The following CAMK1D variants were observed in gnomAD, a reference collection of about 807,000 sequenced individuals.
The protein encoded by CAMK1D is calcium/calmodulin-dependent protein kinase type 1D.
CAMK1D carries 9 observed loss-of-function variants against 47.7 expected under a neutral mutation model. The observed-to-expected ratio is 0.19, with a 90% CI of 0.11 to 0.33. CAMK1D has a LOEUF of 0.33. CAMK1D is among the 10% of genes least tolerant of loss of function. CAMK1D has a pLI of 1.00. For missense variants in CAMK1D, 291 were observed against 488.7 expected (o/e 0.60, Z 3.81); for synonymous variants, 184 against 184.9 (o/e 0.99, Z 0.04).
intron 1 of CAMK1D, among the ~76,000 whole-genome samples, chr10:12,474,435 C>T (rs987526062): frequency 4.6e-5 from 7 of 151,852 alleles, no homozygotes; most frequent in East Asian, 3.9e-4. Context: ...CCTAAGAATC[C>T]GCCTGCCTCG....
chr10:12,458,360 A>T (rs1055571563), intron 1 of CAMK1D, among the ~76,000 whole-genome samples: 6 of 152,154 alleles, frequency 3.9e-5, no homozygotes, highest in African/African-American at 1.2e-4. Flanking sequence ...GCCAGAGGGG[A>T]CGTTCATTGC....
At chr10:12,506,811 C>T (rs1370011729) in intron 1 of CAMK1D, among the ~76,000 whole-genome samples, 3 of 152,238 alleles carry the variant, frequency 2.0e-5, no homozygotes, top group East Asian at 1.9e-4. Context: ...AGCCACCGCG[C>T]CCGGCCTGGG....
chr10:12,657,989 A>C (rs1840166249), intron 2 of CAMK1D, among the ~76,000 whole-genome samples: 1 of 152,150 alleles, frequency 6.6e-6, no homozygotes, highest in Admixed American at 6.5e-5. Flanking sequence ...GTCTCTACTA[A>C]AAATACAAAA....
At chr10:12,478,031 A>G in intron 1 of CAMK1D, among the ~76,000 whole-genome samples, 1 of 144,442 alleles carries the variant, frequency 6.9e-6, no homozygotes. Flanking sequence ...TTGGAGACAG[A>G]GTCTTGCTCT....
At chr10:12,409,539 G>A (rs1053891876) in intron 1 of CAMK1D, among the ~76,000 whole-genome samples, 1 of 152,222 alleles carries the variant, frequency 6.6e-6, no homozygotes, top group African/African-American at 2.4e-5. Flanking sequence ...CCGCCTTGGC[G>A]TCTGGAGTAG....
intron 6 of CAMK1D, among the ~76,000 whole-genome samples, chr10:12,802,293 C>T (rs938730851): frequency 8.5e-5 from 13 of 152,180 alleles, no homozygotes; most frequent in African/African-American, 3.1e-4. Context: ...ACTCTTTTGC[C>T]TTTGTATCTT....
intron 1 of CAMK1D, among the ~76,000 whole-genome samples, chr10:12,448,109 C>T (rs1832974725): frequency 6.6e-6 from 1 of 152,228 alleles, no homozygotes; most frequent in African/African-American, 2.4e-5. Flanking sequence ...CTGCCTTGGC[C>T]TCCCAAAGTG....
In CAMK1D at chr10:12,782,985, T is replaced by TGG. The variant is rs1564557964; in HGVS notation, c.566-8173_566-8172insGG. Among the ~76,000 whole-genome samples, 6 of 134,736 alleles carry TGG rather than the reference T, an allele frequency of 4.5e-5. No individual in the cohort carries two copies. In the East Asian group the frequency reaches 1.1e-3, roughly 24 times the overall value. The allele number at this position is 134,736 out of a possible 152,430, so 88.4% of individuals were successfully genotyped here. A position where few individuals can be genotyped will look rare whatever the true frequency, so the allele number is the denominator to read the frequency against. On this transcript the variant is annotated intron_variant, in intron 5 of 10. Coordinates refer to ENST00000619168, the MANE Select transcript of CAMK1D (RefSeq NM_153498.4). ...AGAGTAAATTCAGTATTTTCAGTTT[T>TGG]TTTTTTTTTTGTTTTTTTTTTTTTT...
At chr10:12,746,727 G>A (rs890252242) in intron 3 of CAMK1D, among the ~76,000 whole-genome samples, 2 of 152,320 alleles carry the variant, frequency 1.3e-5, no homozygotes, top group East Asian at 3.9e-4. Flanking sequence ...ATGAGGCCAT[G>A]CCCTTGTGCC....
rs572764213 is a variant in CAMK1D, at chr10:12,349,657, C to G, written c.-162C>G. Reference sequence around the variant, plus strand: ...ATAAGAGCCAGGGAGGGACCGCGGCCGCGGCGGCGGCGGCGAGAGCGAAAG... The same window carrying G: ...ATAAGAGCCAGGGAGGGACCGCGGCGGCGGCGGCGGCGGCGAGAGCGAAAG... On this transcript the variant is annotated 5_prime_UTR_variant, in exon 1 of 11. Transcript: ENST00000619168. The G allele has an allele frequency of 5.9e-3, 936 of 159,272 alleles. 11 individuals carry two copies. Among genetic ancestry groups the G allele is most frequent in the African/African-American group, 0.021 (863 of 41,196 alleles). The allele number at this position is 159,272 out of a possible 1,614,324, so 9.9% of individuals were successfully genotyped here.
chr10:12,449,717 C>T (rs1833026973), intron 1 of CAMK1D, among the ~76,000 whole-genome samples: 1 of 152,148 alleles, frequency 6.6e-6, no homozygotes, highest in Admixed American at 6.5e-5. Flanking sequence ...AAAAAAGACA[C>T]ATGTTGGCCG....
At chr10:12,493,725 C>T (rs950182813) in intron 1 of CAMK1D, among the ~76,000 whole-genome samples, 3 of 152,112 alleles carry the variant, frequency 2.0e-5, no homozygotes, top group Non-Finnish European at 2.9e-5. Flanking sequence ...AACTCCTGAC[C>T]TCTGGTGATC....
intron 2 of CAMK1D, among the ~76,000 whole-genome samples, chr10:12,650,053 T>C (rs1414779172): frequency 6.6e-6 from 1 of 152,232 alleles, no homozygotes. Flanking sequence ...TATTACTTTT[T>C]AGTTCCTTTA....
At chr10:12,578,342 G>A (rs969937800) in intron 2 of CAMK1D, among the ~76,000 whole-genome samples, 6 of 152,090 alleles carry the variant, frequency 3.9e-5, no homozygotes, top group Admixed American at 6.5e-5. Flanking sequence ...AGGCTTAGGC[G>A]GATGGATCAC....
intron 3 of CAMK1D, among the ~76,000 whole-genome samples, chr10:12,710,054 C>G (rs918125531): frequency 2.0e-5 from 3 of 152,140 alleles, no homozygotes; most frequent in African/African-American, 7.2e-5. Context: ...TCAGTTTCCT[C>G]TAAAATGTGA....
rs543055895 is a variant in CAMK1D at position 12,723,806 on chromosome 10, A to G, written c.300-37142A>G. The stretch of plus-strand genomic sequence containing the variant: ...TTAAGTTCTAGGGTACATGTGCACA[A>G]TGTGCAGGTTTGTTACATATGTATA... On this transcript the variant is annotated intron_variant, in intron 3 of 10. Transcript: ENST00000619168. Among the ~76,000 whole-genome samples, 15 of 152,216 alleles carry G rather than the reference A, an allele frequency of 9.9e-5. No individual in the cohort carries two copies. The East Asian group carries it at 2.7e-3, about 27-fold the overall frequency.
intron 3 of CAMK1D, among the ~76,000 whole-genome samples, chr10:12,680,108 G>A (rs1327080673): frequency 1.3e-5 from 2 of 152,196 alleles, no homozygotes; most frequent in African/African-American, 4.8e-5. Flanking sequence ...TATTTATGGA[G>A]TCCCCACCAT....
In CAMK1D at chr10:12,791,143, T is replaced by C; in HGVS notation, c.566-15T>C. ...GTAAATTGTCAGGCTGTGTCTTTTC[T>C]TTGTCTTTCTGCAGCTCCTGAAGTC... On this transcript the variant is annotated splice_polypyrimidine_tract_variant and intron_variant, in intron 5 of 10. Transcript: ENST00000619168. The C allele has an allele frequency of 6.2e-7, 1 of 1,613,764 alleles. No individual in the cohort carries two copies. Among genetic ancestry groups the C allele is most frequent in the Non-Finnish European group, 8.5e-7 (1 of 1,179,706 alleles).
chr10:12,694,748 A>G (rs918734227), intron 3 of CAMK1D, among the ~76,000 whole-genome samples: 1 of 151,408 alleles, frequency 6.6e-6, no homozygotes, highest in South Asian at 2.1e-4. Context: ...GAAAATTATG[A>G]AAGCATCCAG....
Sources: allele counts gnomAD v4.1 joint callset (sites outside exome capture counted in the v4.1 genomes callset), GRCh38; gene constraint gnomAD v4.1.1; transcripts MANE v1.5; gene names NCBI Gene and HGNC (gene_info 2026-07-23, HGNC 2026-07-21).